The following GALNT13 variants were observed in gnomAD, a reference collection of about 807,000 sequenced individuals.
The protein encoded by GALNT13 is UDP-GalNAc:polypeptide N-acetylgalactosaminyltransferase 13.
Under a neutral mutation model 64.2 loss-of-function variants are expected in GALNT13, and 28 were observed. That is an observed-to-expected ratio of 0.44 (90% CI 0.32 to 0.60). GALNT13 has a LOEUF of 0.60. Among genes scored for constraint, GALNT13 ranks in the 20% least tolerant of loss-of-function variants. The pLI is 0.05. For synonymous variants in GALNT13, 214 were observed against 224.6 expected, an observed-to-expected ratio of 0.95 and a Z score of 0.42; for missense variants, 577 against 669.8, an observed-to-expected ratio of 0.86 and a Z score of 1.53.
chr2:154,341,498 C>G (rs1171881339), intron 9 of GALNT13, among the ~76,000 whole-genome samples: 1 of 151,728 alleles, frequency 6.6e-6, no homozygotes, highest in African/African-American at 2.4e-5. Flanking sequence ...GACTTTGTTA[C>G]AAAAAAAGAT....
intron 9 of GALNT13, among the ~76,000 whole-genome samples, chr2:154,329,571 T>A (rs1695058896): frequency 6.6e-6 from 1 of 152,180 alleles, no homozygotes; most frequent in South Asian, 2.1e-4. Context: ...GGTGAATTTC[T>A]TATACTGCAA....
rs186825179 is a variant in GALNT13 at position 154,392,753 on chromosome 2, T to C, written c.1157-3238T>C. 2.4e-3 allele frequency among the ~76,000 whole-genome samples: 360 copies of C among 152,312 alleles called. 3 individuals are homozygous for C. Among genetic ancestry groups the C allele is most frequent in the East Asian group, 1.7e-3 (9 of 5,162 alleles). On this transcript the variant is annotated intron_variant, in intron 9 of 12. Transcript: ENST00000392825. ...GTCAGGGGAGTAACATGATTTGATT[T>C]GTATTTTAAATATATTGACTAAGGA...
the GALNT13 span, among the ~76,000 whole-genome samples, chr2:153,199,307 C>T: frequency 1.3e-5 from 2 of 152,162 alleles, no homozygotes; most frequent in Non-Finnish European, 1.5e-5. Flanking sequence ...TGTAGGCTAC[C>T]AACATAGCCA....
chr2:154,086,087 A>G (rs978922539), intron 3 of GALNT13, among the ~76,000 whole-genome samples: 1 of 149,366 alleles, frequency 6.7e-6, no homozygotes, highest in Non-Finnish European at 1.5e-5. Flanking sequence ...TTCTTGAGCA[A>G]TTATGTGCTA....
chr2:153,622,945 C>T, the GALNT13 span, among the ~76,000 whole-genome samples: 2 of 152,074 alleles, frequency 1.3e-5, no homozygotes, highest in East Asian at 3.9e-4. Flanking sequence ...ATTGCAGCCA[C>T]CCTTGTTGAA....
At chr2:153,898,141 A>T (rs2105285129) in intron 1 of GALNT13, among the ~76,000 whole-genome samples, 1 of 152,234 alleles carries the variant, frequency 6.6e-6, no homozygotes, top group East Asian at 1.9e-4. Context: ...GGAGCTTGAA[A>T]GATAGCTCTG....
chr2:153,297,710 G>GCAGT, the GALNT13 span, among the ~76,000 whole-genome samples: 2 of 152,188 alleles, frequency 1.3e-5, no homozygotes, highest in Non-Finnish European at 2.9e-5. Context: ...TAAATAATGA[G>GCAGT]CAGTCATTCA....
At chr2:153,999,772 G>T (rs1695776352) in intron 3 of GALNT13, among the ~76,000 whole-genome samples, 1 of 151,978 alleles carries the variant, frequency 6.6e-6, no homozygotes, top group South Asian at 2.1e-4. Context: ...CTGGCCTGTA[G>T]TTTGTTTTGT....
chr2:154,139,155 A>G (rs1340662759), intron 3 of GALNT13, among the ~76,000 whole-genome samples: 2 of 152,026 alleles, frequency 1.3e-5, no homozygotes, highest in African/African-American at 4.8e-5. Context: ...AAAGTCATCA[A>G]CTGGATGGTC....
At chr2:154,107,266 A>G (rs114574542) in intron 3 of GALNT13, among the ~76,000 whole-genome samples, 2,435 of 152,270 alleles carry the variant, frequency 0.016, 55 homozygotes, top group African/African-American at 0.054. Flanking sequence ...AGATTAAGAC[A>G]AATATCTGTT....
At chr2:153,403,610 G>A in the GALNT13 span, among the ~76,000 whole-genome samples, 1 of 152,202 alleles carries the variant, frequency 6.6e-6, no homozygotes, top group South Asian at 2.1e-4. Context: ...TCCGAGCCAG[G>A]TGCAGGATAT....
chr2:154,434,795 G>A lies in GALNT13; in HGVS notation c.1396-3797G>A, dbSNP rs116391057. Among the ~76,000 whole-genome samples, 1,332 of 152,084 alleles carry A rather than the reference G, an allele frequency of 8.8e-3. 9 individuals carry two copies. The highest frequency in any genetic ancestry group is 0.013 in the Non-Finnish European group (905 of 68,006). The stretch of plus-strand genomic sequence containing the variant: ...AACACTATAAATTACTAAATCCATA[G>A]GATTCATACAAAGAGCTCTACATGT... On this transcript the variant is annotated intron_variant, in intron 11 of 12. Transcript: ENST00000392825.
chr2:154,082,031 C>G (rs1402964675), intron 3 of GALNT13, among the ~76,000 whole-genome samples: 1 of 151,596 alleles, frequency 6.6e-6, no homozygotes. Flanking sequence ...TTTATTATTC[C>G]CTATCCAAAT....
intron 3 of GALNT13, among the ~76,000 whole-genome samples, chr2:154,065,677 C>G (rs548374672): frequency 6.6e-6 from 1 of 152,300 alleles, no homozygotes; most frequent in Non-Finnish European, 1.5e-5. Flanking sequence ...CCCCCTAATG[C>G]AGATATGGCT....
At chr2:153,611,388 A>T in the GALNT13 span, among the ~76,000 whole-genome samples, 3 of 151,816 alleles carry the variant, frequency 2.0e-5, no homozygotes, top group Admixed American at 6.6e-5. Context: ...TTTTTCTTTG[A>T]GACAGAGTTT....
At chr2:153,112,026 CA>C in the GALNT13 span, among the ~76,000 whole-genome samples, 9 of 152,012 alleles carry the variant, frequency 5.9e-5, no homozygotes, top group Non-Finnish European at 1.3e-4. Context: ...AAACCCCTAC[CA>C]CCTATCACCA....
the GALNT13 span, among the ~76,000 whole-genome samples, chr2:153,837,959 C>A: frequency 7.2e-5 from 11 of 151,882 alleles, no homozygotes; most frequent in African/African-American, 2.4e-4. Flanking sequence ...TAATAATAAC[C>A]TTTCTAACAA....
chr2:153,324,331 T>C, the GALNT13 span, among the ~76,000 whole-genome samples: 1 of 152,220 alleles, frequency 6.6e-6, no homozygotes, highest in Non-Finnish European at 1.5e-5. Context: ...TTGTGATTTT[T>C]GCACACTGAT....
intron 3 of GALNT13, among the ~76,000 whole-genome samples, chr2:154,000,793 T>C (rs1695854947): frequency 6.6e-6 from 1 of 152,028 alleles, no homozygotes; most frequent in Non-Finnish European, 1.5e-5. Flanking sequence ...TCTGTAAATG[T>C]CTGTTAAGTC....
Sources: gnomAD v4.1 joint callset for allele counts (sites outside exome capture counted in the v4.1 genomes callset) on GRCh38, gnomAD v4.1.1 for gene constraint, MANE v1.5 for transcripts, NCBI Gene and HGNC (gene_info 2026-07-23, HGNC 2026-07-21) for gene names.